The following BPI variants were observed in gnomAD, a reference collection of about 807,000 sequenced individuals.
BPI encodes bactericidal permeability increasing protein.
In BPI, 48 loss-of-function variants were observed where a neutral mutation model predicts 57.6. The observed-to-expected ratio is 0.83, with a 90% CI of 0.66 to 1.06. BPI has a LOEUF of 1.06. BPI is among the 50% of genes least tolerant of loss of function. BPI has a pLI of 0.00. For synonymous variants in BPI, 237 were observed against 238.2 expected (o/e 0.99, Z 0.05); for missense variants, 651 against 609.7 (o/e 1.07, Z -0.71).
intron 13 of BPI, 152 bp from the exon 14 acceptor site, chr20:38,335,446 C>G: frequency 1.4e-6 from 1 of 690,280 alleles, no homozygotes; most frequent in Non-Finnish European, 2.5e-6. Context: ...CTGGGGCAGC[C>G]TTCCTTTCAG....
At chr20:38,318,568 C>T in intron 6 of BPI, 92 bp downstream of exon 6, 1 of 1,400,074 alleles carries the variant, frequency 7.1e-7, no homozygotes, top group Non-Finnish European at 1.0e-6. Flanking sequence ...GGCAAGTTTC[C>T]CAGACAGCCC....
At chr20:38,312,088 T>A (rs3746477) in intron 5 of BPI, 151 bp downstream of exon 5, 703,577 of 719,198 alleles carry the variant, frequency 0.98, 345,830 homozygotes, top group African/African-American at 1. Flanking sequence ...TCTAAAATCC[T>A]GTCATGTATG....
chr20:38,323,899 T>G lies in BPI; in HGVS notation c.786T>G (p.Asn262Lys). Residue 262 changes from asparagine to lysine, a missense_variant, in exon 8 of 15, where the codon AAT becomes AAG. By Grantham distance (94) the Asn-to-Lys change is moderately conservative. Coordinates refer to ENST00000642449, the MANE Select transcript of BPI (RefSeq NM_001725.3). ...AGTTTTACAGTGAGAACCACCACAA[T>G]CCACCTCCCTTTGCTCCACCAGTGA... Reference protein sequence around the residue: ...KGEFYSENHHNPPPFAPPVME... With the variant: ...KGEFYSENHHKPPPFAPPVME... 6.2e-7 allele frequency: 1 copy of G among 1,614,124 alleles called. No homozygotes were observed.
chr20:38,316,359 G>A (rs938896937), intron 5 of BPI, among the ~76,000 whole-genome samples: 13 of 152,224 alleles, frequency 8.5e-5, no homozygotes, highest in Non-Finnish European at 1.9e-4. Flanking sequence ...TGAAGAGTTT[G>A]GTTTGGGATG....
In BPI at chr20:38,310,586, T is replaced by A. The variant is rs1482205783; in HGVS notation, c.470T>A (p.Ile157Asn). The change falls in exon 4 of 15, where the codon ATC becomes AAC. Residue 157 changes from isoleucine to asparagine, a missense_variant. Ile to Asn is a moderately radical substitution (Grantham distance 149, BLOSUM62 -3). Coordinates refer to ENST00000642449, the MANE Select transcript of BPI (RefSeq NM_001725.3). ...GSNPTSGKPTITCSSCSSHIN... is the reference protein window; with the variant it reads ...GSNPTSGKPTNTCSSCSSHIN... ...AACCCCACGTCAGGCAAGCCCACCA[T>A]CACCTGCTCCAGCTGCAGCAGCCAC... 2.5e-6 allele frequency: 4 copies of A among 1,614,020 alleles called. No individual in the cohort carries two copies. Among genetic ancestry groups the A allele is most frequent in the Non-Finnish European group, 3.4e-6 (4 of 1,180,034 alleles).
chr20:38,308,038 G>T (rs375468742), intron 2 of BPI, among the ~76,000 whole-genome samples: 9 of 152,210 alleles, frequency 5.9e-5, no homozygotes, highest in African/African-American at 1.9e-4. Context: ...CTTGAGGCAG[G>T]CTTACATGTC....
At chr20:38,328,019 C>A (rs931827455) in intron 11 of BPI, among the ~76,000 whole-genome samples, 2 of 152,170 alleles carry the variant, frequency 1.3e-5, no homozygotes, top group Non-Finnish European at 2.9e-5. Flanking sequence ...AGCCACTGCA[C>A]GTCCCTGGCT....
intron 5 of BPI, among the ~76,000 whole-genome samples, chr20:38,314,212 T>G: frequency 8.2e-6 from 1 of 121,500 alleles, no homozygotes. Context: ...GTGGGGATGA[T>G]GATGGTGGTG....
intron 9 of BPI, 88 bp downstream of exon 9, chr20:38,324,921 C>A: frequency 9.8e-7 from 1 of 1,016,560 alleles, no homozygotes; most frequent in Non-Finnish European, 1.6e-6. Context: ...GCCCTCCACC[C>A]AACATAACAC....
chr20:38,307,236 C>T (rs6024735), intron 1 of BPI, among the ~76,000 whole-genome samples: 26 of 152,198 alleles, frequency 1.7e-4, no homozygotes, highest in African/African-American at 5.5e-4. Context: ...TATCTCACAA[C>T]ATGTGAAAAT....
chr20:38,325,279 C>G (rs62201523), intron 9 of BPI, among the ~76,000 whole-genome samples: 61,901 of 151,738 alleles, frequency 0.41, 13,856 homozygotes, highest in African/African-American at 0.61. Flanking sequence ...TGGTCAAGGA[C>G]GCCTCTGTCT....
intron 2 of BPI, 96 bp downstream of exon 2, chr20:38,307,777 A>C: frequency 9.9e-7 from 1 of 1,005,762 alleles, no homozygotes; most frequent in Non-Finnish European, 1.5e-6. Context: ...TCCTCAACTC[A>C]CAGAGTTTCA....
chr20:38,304,616 C>T (rs1457008929), intron 1 of BPI, among the ~76,000 whole-genome samples: 2 of 152,182 alleles, frequency 1.3e-5, no homozygotes, highest in Non-Finnish European at 1.5e-5. Context: ...CTCATGGTCC[C>T]CTCCTTCCCT....
intron 5 of BPI, 42 bp downstream of exon 5, chr20:38,311,979 G>C: frequency 8.8e-6 from 14 of 1,592,676 alleles, no homozygotes; most frequent in Non-Finnish European, 1.2e-5. Context: ...AGAGGAGAAG[G>C]GCCCTTAGTA....
chr20:38,320,888 TGGGTGGGTGGGTG>T (rs1313623732), intron 7 of BPI, among the ~76,000 whole-genome samples: 25 of 4,320 alleles, frequency 5.8e-3, no homozygotes, highest in East Asian at 0.019. Flanking sequence ...GGTGGATGGG[TGGGTGGGTGGGTG>T]GATGGATGGG....
At chr20:38,307,455 A>G in intron 1 of BPI, 112 bp from the exon 2 acceptor site, 2 of 716,078 alleles carry the variant, frequency 2.8e-6, no homozygotes, top group Non-Finnish European at 4.6e-6. Flanking sequence ...TGACCCTTCC[A>G]GTGCCACTGT....
rs1422612044 is a variant in BPI, at chr20:38,304,284, G to C, written c.61G>C (p.Gly21Arg). The change falls in exon 1 of 15, where the codon GGC (glycine) becomes CGC (arginine). Residue 21 changes from glycine (G) to arginine (R), a missense_variant. Gly to Arg is a moderately radical substitution (Grantham distance 125). Coordinates refer to ENST00000642449, the MANE Select transcript of BPI (RefSeq NM_001725.3). Reference protein sequence around the residue: ...WASLMVLVAIGTAVTAAVNPG... With the variant: ...WASLMVLVAIRTAVTAAVNPG... The stretch of plus-strand genomic sequence containing the variant: ...GTCCCTGATGGTGCTGGTCGCCATA[G>C]GCACCGCCGTGACAGCGGCCGTCAA... 1 of 1,614,134 alleles carries C rather than the reference G, an allele frequency of 6.2e-7. No homozygotes were observed. Among genetic ancestry groups the C allele is most frequent in the Admixed American group, 1.7e-5 (1 of 60,024 alleles).
intron 6 of BPI, 124 bp from the exon 7 acceptor site, chr20:38,320,059 G>A: frequency 1.2e-6 from 1 of 800,170 alleles, no homozygotes; most frequent in Non-Finnish European, 2.1e-6. Context: ...GCTCCCTGGA[G>A]AAGGTGGGAA....
intron 5 of BPI, 82 bp downstream of exon 5, chr20:38,312,019 C>G: frequency 7.2e-7 from 1 of 1,391,454 alleles, no homozygotes. Context: ...TACGGACACT[C>G]TGCTGTCACT....
Sources: gnomAD v4.1 joint callset for allele counts (sites outside exome capture counted in the v4.1 genomes callset) on GRCh38, gnomAD v4.1.1 for gene constraint, MANE v1.5 for transcripts, NCBI Gene and HGNC (gene_info 2026-07-23, HGNC 2026-07-21) for gene names.